The following LNX2 variants were observed in gnomAD, a reference collection of about 807,000 sequenced individuals.
The protein encoded by LNX2 is ligand of numb-protein X 2.
LNX2 carries 35 observed loss-of-function variants against 66.2 expected under a neutral mutation model. The ratio of observed to expected loss-of-function variants is 0.53; its 90% CI spans 0.40 to 0.70. The LOEUF is 0.70. LNX2 is among the 30% of genes least tolerant of loss of function. LNX2 has a pLI of 0.00. For missense variants in LNX2, 791 were observed against 850.8 expected (o/e 0.93, Z 0.87); for synonymous variants, 337 against 315.6 (o/e 1.07, Z -0.72).
chr13:27,558,120 T>C (rs778212600), intron 6 of LNX2, among the ~76,000 whole-genome samples: 1 of 151,248 alleles, frequency 6.6e-6, no homozygotes, highest in Non-Finnish European at 1.5e-5. Flanking sequence ...GGAAGCTTTA[T>C]AGAAGACTAA....
intron 2 of LNX2, among the ~76,000 whole-genome samples, chr13:27,580,518 A>G (rs755449888): frequency 1.6e-4 from 24 of 152,170 alleles, no homozygotes; most frequent in Admixed American, 2.6e-4. Context: ...ATGTGATTCT[A>G]CACAAATGAC....
rs759994523 is a variant in LNX2, at chr13:27,581,740, C to T, written c.-37G>A. On this transcript the variant is annotated 5_prime_UTR_variant, in exon 2 of 10. Transcript: ENST00000316334. The stretch of plus-strand genomic sequence containing the variant: ...TCTGTATCCTCATGTGTTAGACTTC[C>T]ACTTCACGCTTGGTTTCCTTTAACA... The T allele has an allele frequency of 5.2e-6, 8 of 1,530,460 alleles. No individual in the cohort carries two copies. The African/African-American group carries it at 6.9e-5, about 13-fold the overall frequency. 94.8% of individuals were successfully genotyped at this position (1,530,460 alleles called of 1,614,324 possible).
intron 1 of LNX2, among the ~76,000 whole-genome samples, chr13:27,596,902 T>C (rs909336211): frequency 6.6e-6 from 1 of 152,192 alleles, no homozygotes; most frequent in Non-Finnish European, 1.5e-5. Flanking sequence ...AATGTCTCTG[T>C]AAAGTTTAAC....
chr13:27,604,855 ATTT>A (rs34254877), intron 1 of LNX2, among the ~76,000 whole-genome samples: 5 of 138,392 alleles, frequency 3.6e-5, no homozygotes, highest in Admixed American at 7.3e-5. Flanking sequence ...TTTCTATTTA[ATTT>A]TTTTTTTTTT....
intron 2 of LNX2, among the ~76,000 whole-genome samples, chr13:27,573,830 GT>G (rs1376961217): frequency 1.3e-5 from 2 of 151,388 alleles, no homozygotes; most frequent in Non-Finnish European, 2.9e-5. Context: ...GAAGAATCTA[GT>G]TTTCTGAGTT....
chr13:27,591,122 G>T (rs1231099198), intron 1 of LNX2, among the ~76,000 whole-genome samples: 1 of 152,152 alleles, frequency 6.6e-6, no homozygotes, highest in Non-Finnish European at 1.5e-5. Flanking sequence ...AATGGCCTCA[G>T]GGGCAGGGAC....
chr13:27,552,500 G>T (rs1955018008), intron 8 of LNX2, among the ~76,000 whole-genome samples: 1 of 152,146 alleles, frequency 6.6e-6, no homozygotes, highest in Non-Finnish European at 1.5e-5. Context: ...TCATAGCTTA[G>T]TTTTAGGATT....
At chr13:27,613,760 G>A (rs1046601604) in intron 1 of LNX2, among the ~76,000 whole-genome samples, 2 of 152,014 alleles carry the variant, frequency 1.3e-5, no homozygotes, top group Admixed American at 6.5e-5. Context: ...AGAGCGAGAC[G>A]CAGTCTCAAA....
chr13:27,550,708 GAC>G (rs112963516), intron 8 of LNX2, among the ~76,000 whole-genome samples: 1 of 151,460 alleles, frequency 6.6e-6, no homozygotes, highest in East Asian at 1.9e-4. Flanking sequence ...CCCAAGTGAA[GAC>G]ACACACACAC....
At chr13:27,605,700 T>C (rs1221683940) in intron 1 of LNX2, among the ~76,000 whole-genome samples, 1 of 152,194 alleles carries the variant, frequency 6.6e-6, no homozygotes, top group African/African-American at 2.4e-5. Context: ...ACAGGGTTAC[T>C]ATGACAATTA....
chr13:27,560,892 A>T (rs1056004369), intron 5 of LNX2, among the ~76,000 whole-genome samples: 3 of 152,182 alleles, frequency 2.0e-5, no homozygotes, highest in African/African-American at 7.2e-5. Flanking sequence ...AATAATGTTA[A>T]GAAATCACTT....
chr13:27,601,861 A>G (rs1458444996), intron 1 of LNX2, among the ~76,000 whole-genome samples: 1 of 152,096 alleles, frequency 6.6e-6, no homozygotes, highest in Non-Finnish European at 1.5e-5. Context: ...GACCTTCCCA[A>G]CAATTTACTA....
chr13:27,613,498 G>A (rs1955794895), intron 1 of LNX2, among the ~76,000 whole-genome samples: 1 of 152,218 alleles, frequency 6.6e-6, no homozygotes, highest in South Asian at 2.1e-4. Context: ...CAGGCCGGGC[G>A]TGGTGGCTCA....
chr13:27,619,246 A>G (rs954984527), intron 1 of LNX2, among the ~76,000 whole-genome samples: 1 of 133,784 alleles, frequency 7.5e-6, no homozygotes, highest in Non-Finnish European at 1.7e-5. Context: ...TTTGTTATTC[A>G]TGGCTCAACA....
intron 2 of LNX2, among the ~76,000 whole-genome samples, chr13:27,570,055 G>C (rs766300844): frequency 1.1e-4 from 17 of 152,114 alleles, no homozygotes; most frequent in African/African-American, 2.4e-4. Flanking sequence ...TTAAATAAAG[G>C]CTCTATATAA....
intron 1 of LNX2, among the ~76,000 whole-genome samples, chr13:27,619,854 C>T (rs1013426098): frequency 2.0e-5 from 3 of 152,196 alleles, no homozygotes; most frequent in Non-Finnish European, 2.9e-5. Flanking sequence ...CTCTCTCCCA[C>T]CCTCTCCAGC....
chr13:27,609,661 A>T (rs1955753285), intron 1 of LNX2, among the ~76,000 whole-genome samples: 1 of 152,230 alleles, frequency 6.6e-6, no homozygotes, highest in African/African-American at 2.4e-5. Flanking sequence ...AAAAAAGTTA[A>T]TACAACATAA....
chr13:27,590,140 C>T (rs937277533), intron 1 of LNX2, among the ~76,000 whole-genome samples: 7 of 151,938 alleles, frequency 4.6e-5, no homozygotes, highest in African/African-American at 1.2e-4. Context: ...TTAGTAGAGA[C>T]GGGGTTTCAC....
chr13:27,555,794 C>T (rs1359292035), intron 7 of LNX2, among the ~76,000 whole-genome samples: 1 of 152,190 alleles, frequency 6.6e-6, no homozygotes, highest in Non-Finnish European at 1.5e-5. Flanking sequence ...CCCATCTATG[C>T]AAATTATATA....
Sources: allele counts gnomAD v4.1 joint callset (sites outside exome capture counted in the v4.1 genomes callset), GRCh38; gene constraint gnomAD v4.1.1; transcripts MANE v1.5; gene names NCBI Gene and HGNC (gene_info 2026-07-23, HGNC 2026-07-21).